Variants in TAFA5 observed in about 807,000 individuals in gnomAD.
TAFA5 encodes TAFA chemokine like family member 5.
Under a neutral mutation model 15.3 loss-of-function variants are expected in TAFA5, and 6 were observed. The ratio of observed to expected loss-of-function variants is 0.39; its 90% CI spans 0.21 to 0.77. TAFA5 has a LOEUF of 0.77. TAFA5 is among the 30% of genes least tolerant of loss of function. The pLI is 0.41. For missense variants in TAFA5, 161 were observed against 193.1 expected (o/e 0.83, Z 0.98); for synonymous variants, 103 against 80.7 (o/e 1.28, Z -1.48).
chr22:48,573,076 T>C (rs1008050562), intron 1 of TAFA5, among the ~76,000 whole-genome samples: 10 of 152,238 alleles, frequency 6.6e-5, no homozygotes, highest in Admixed American at 4.6e-4. Flanking sequence ...AGCTTTCCTC[T>C]GGCCCTGGTC....
intron 3 of TAFA5, among the ~76,000 whole-genome samples, chr22:48,724,825 CA>C (rs1410197251): frequency 6.6e-6 from 1 of 152,236 alleles, no homozygotes; most frequent in African/African-American, 2.4e-5. Context: ...CCTACCCACC[CA>C]GGGGGCATCC....
At chr22:48,517,072 C>G (rs1921435311) in intron 1 of TAFA5, among the ~76,000 whole-genome samples, 1 of 152,196 alleles carries the variant, frequency 6.6e-6, no homozygotes, top group Non-Finnish European at 1.5e-5. Context: ...TTCCGTCACC[C>G]CACAAAAAGC....
At chr22:48,744,884 C>T (rs1292931458) in intron 3 of TAFA5, among the ~76,000 whole-genome samples, 3 of 152,136 alleles carry the variant, frequency 2.0e-5, no homozygotes, top group Non-Finnish European at 4.4e-5. Context: ...CTCAGCCTCC[C>T]GAGTAGCTGA....
chr22:48,740,496 G>C (rs1405250375), intron 3 of TAFA5, among the ~76,000 whole-genome samples: 2 of 152,230 alleles, frequency 1.3e-5, no homozygotes, highest in Non-Finnish European at 2.9e-5. Context: ...TACCAGGGGG[G>C]CAGGGATGGA....
chr22:48,747,108 T>C lies in TAFA5; in HGVS notation c.391-2731T>C, dbSNP rs549670363. Among the ~76,000 whole-genome samples the C allele has an allele frequency of 3.3e-3, 496 of 152,202 alleles. 1 individual carries two copies. The highest frequency in any genetic ancestry group is 0.011 in the African/African-American group (475 of 41,544). Reference sequence around the variant, plus strand: ...CTGGAGGCCACCATGGTGTCACCATTCCCGCCCGGCCCTGCCCTGCCCTAA... The same window carrying C: ...CTGGAGGCCACCATGGTGTCACCATCCCCGCCCGGCCCTGCCCTGCCCTAA... On this transcript the variant is annotated intron_variant, in intron 3 of 3. Coordinates refer to ENST00000402357, the MANE Select transcript of TAFA5 (RefSeq NM_001082967.3).
intron 2 of TAFA5, among the ~76,000 whole-genome samples, chr22:48,670,499 G>T (rs1205848991): frequency 1.3e-5 from 2 of 152,354 alleles, no homozygotes; most frequent in East Asian, 3.9e-4. Flanking sequence ...AGACTCAGGA[G>T]AGCTGCCGGC....
chr22:48,491,356 T>G (rs1291653040), intron 1 of TAFA5, among the ~76,000 whole-genome samples: 1 of 151,894 alleles, frequency 6.6e-6, no homozygotes, highest in Admixed American at 6.5e-5. Context: ...ATGCACTTCC[T>G]GGTGGCATCA....
chr22:48,660,742 C>T (rs761586605), intron 2 of TAFA5, among the ~76,000 whole-genome samples: 1 of 152,196 alleles, frequency 6.6e-6, no homozygotes, highest in Non-Finnish European at 1.5e-5. Context: ...AACGACACAG[C>T]GCGTGGCCCT....
At chr22:48,501,861 A>G (rs1452489583) in intron 1 of TAFA5, among the ~76,000 whole-genome samples, 9 of 152,194 alleles carry the variant, frequency 5.9e-5, no homozygotes, top group South Asian at 2.1e-4. Context: ...ACCCAGGCTT[A>G]CTGACGTCCC....
At chr22:48,738,317 T>C (rs756592534) in intron 3 of TAFA5, among the ~76,000 whole-genome samples, 1 of 152,196 alleles carries the variant, frequency 6.6e-6, no homozygotes, top group African/African-American at 2.4e-5. Context: ...AAGGTACCAC[T>C]GCGTGGATTG....
In TAFA5 at chr22:48,742,301, A is replaced by G. The variant is rs1930202796; in HGVS notation, c.391-7538A>G. 6.6e-6 allele frequency among the ~76,000 whole-genome samples: 1 copy of G among 152,194 alleles called. No homozygotes were observed. The highest frequency in any genetic ancestry group is 6.5e-5 in the Admixed American group (1 of 15,282). On this transcript the variant is annotated intron_variant, in intron 3 of 3. Coordinates refer to ENST00000402357, the MANE Select transcript of TAFA5 (RefSeq NM_001082967.3). The surrounding 1 kb of genome is among the most constrained non-coding windows in gnomAD (Gnocchi z 6.2). Reference sequence around the variant, plus strand: ...GGCCCCTGCCAGGTTCGGGAAAAGAACTGACCCCCACGAGGATGGTCCTGG... The same window carrying G: ...GGCCCCTGCCAGGTTCGGGAAAAGAGCTGACCCCCACGAGGATGGTCCTGG...
intron 1 of TAFA5, among the ~76,000 whole-genome samples, chr22:48,535,500 G>A (rs112592659): frequency 0.028 from 4,325 of 151,848 alleles, 218 homozygotes; most frequent in African/African-American, 0.099. Flanking sequence ...CACTGCACAC[G>A]CAATGTACAC....
intron 1 of TAFA5, among the ~76,000 whole-genome samples, chr22:48,637,100 C>T (rs910317715): frequency 2.0e-5 from 3 of 152,166 alleles, no homozygotes; most frequent in Admixed American, 6.5e-5. Context: ...GCAGCCTTTC[C>T]GAGTCACTGG....
chr22:48,646,612 G>T lies in TAFA5; in HGVS notation c.128G>T (p.Gly43Val). 6.2e-7 allele frequency: 1 copy of T among 1,612,500 alleles called. No individual in the cohort carries two copies. Among genetic ancestry groups the T allele is most frequent in the Non-Finnish European group, 8.5e-7 (1 of 1,179,714 alleles). ...LIAYCSQLAAGTCEIVTLDRD... is the reference protein window; with the variant it reads ...LIAYCSQLAAVTCEIVTLDRD... Reference sequence around the variant, plus strand: ...CTCTCTGCAGGTCAGCTGGCCGCCGGCACCTGTGAGATTGTGACCTTGGAC... The same window carrying T: ...CTCTCTGCAGGTCAGCTGGCCGCCGTCACCTGTGAGATTGTGACCTTGGAC... Residue 43 changes from glycine (G) to valine (V), a missense_variant, in exon 2 of 4, where the codon GGC becomes GTC. Gly to Val is a moderately radical substitution (Grantham distance 109). Coordinates refer to ENST00000402357, the MANE Select transcript of TAFA5 (RefSeq NM_001082967.3).
rs1374701924 is a variant in TAFA5 at position 48,489,621 on chromosome 22, G to T, written c.29G>T (p.Arg10Leu). 2 of 1,508,110 alleles carry T rather than the reference G, an allele frequency of 1.3e-6. No individual in the cohort carries two copies. The highest frequency in any genetic ancestry group is 4.2e-5 in the Admixed American group (2 of 47,330). 93.4% of individuals were successfully genotyped at this position (1,508,110 alleles called of 1,614,324 possible). A position where few individuals can be genotyped will look rare whatever the true frequency, so the allele number is the denominator to read the frequency against. The change falls in exon 1 of 4, where the codon CGG (arginine) becomes CTG (leucine). Residue 10 changes from arginine to leucine, a missense_variant. Coordinates refer to ENST00000402357, the MANE Select transcript of TAFA5 (RefSeq NM_001082967.3). The surrounding 1 kb of genome is among the most constrained non-coding windows in gnomAD (Gnocchi z 5.5). ...GCGCCATCGCCCAGGACCGGCAGCC[G>T]GCAAGATGCGACCGCCCTGCCCAGC... MAPSPRTGS[R>L]QDATALPSMS... is the part of the protein sequence containing the mutation.
chr22:48,576,515 G>T, intron 1 of TAFA5: 3 of 1,513,528 alleles, frequency 2.0e-6, no homozygotes, highest in Non-Finnish European at 2.7e-6. Context: ...GCACTGGCAG[G>T]GGCCGCGCTC....
chr22:48,509,765 C>A (rs1262939414), intron 1 of TAFA5, among the ~76,000 whole-genome samples: 2 of 151,956 alleles, frequency 1.3e-5, no homozygotes, highest in East Asian at 3.9e-4. Flanking sequence ...TCCTGGCTAA[C>A]ATGGTGAAAC....
intron 1 of TAFA5, among the ~76,000 whole-genome samples, chr22:48,495,611 C>T (rs1025959770): frequency 2.0e-5 from 3 of 152,252 alleles, no homozygotes; most frequent in Non-Finnish European, 2.9e-5. Flanking sequence ...TGCACCCAGC[C>T]GGCATGTCCA....
At chr22:48,744,956 G>A (rs530054210) in intron 3 of TAFA5, among the ~76,000 whole-genome samples, 4 of 152,274 alleles carry the variant, frequency 2.6e-5, no homozygotes, top group African/African-American at 7.2e-5. Flanking sequence ...GGGTTTCACC[G>A]TGTTAGTCAG....
Sources: allele counts gnomAD v4.1 joint callset (sites outside exome capture counted in the v4.1 genomes callset), GRCh38; gene constraint gnomAD v4.1.1; non-coding constraint Gnocchi (gnomAD v3.1); transcripts MANE v1.5; gene names NCBI Gene and HGNC (gene_info 2026-07-23, HGNC 2026-07-21).